NTHL1: variants seen among roughly 807,000 people sequenced by gnomAD.
The protein encoded by NTHL1 is endonuclease III-like protein 1.
A neutral mutation model predicts 32.3 loss-of-function variants in NTHL1; 32 were observed. That is an observed-to-expected ratio of 0.99 (90% confidence interval 0.75 to 1.33). NTHL1 has a LOEUF of 1.33. NTHL1 is among the 40% of genes most tolerant of loss of function. The pLI is 0.00. For synonymous variants in NTHL1, 188 were observed against 176.9 expected, an observed-to-expected ratio of 1.06 and a Z score of -0.50; for missense variants, 501 against 414.1, an observed-to-expected ratio of 1.21 and a Z score of -1.82.
At chr16:2,047,515 C>G in intron 1 of NTHL1, 194 bp downstream of exon 1, 1 of 960,562 alleles carries the variant, frequency 1.0e-6, no homozygotes. Context: ...CGCCCGAAAC[C>G]CAGCCCCTGC....
rs1372041658 is a variant in NTHL1, at chr16:2,039,980, G to C, written c.859C>G (p.Pro287Ala). ...TGGTTGAGGCAGGCGTGGCAGCGAG[G>C]GTGCACAGGCAGACAGGTCTGCTGG... ...FGQQTCLPVH[P>A]RCHACLNQAL... The change falls in exon 6 of 6, where the codon CCT becomes GCT. Residue 287 changes from proline to alanine, a missense_variant. Coordinates refer to ENST00000651570, the MANE Select transcript of NTHL1 (RefSeq NM_002528.7). 6.2e-7 allele frequency: 1 copy of C among 1,609,840 alleles called. No homozygotes were observed. The highest frequency in any genetic ancestry group is 1.7e-5 in the Admixed American group (1 of 60,030).
chr16:2,042,597 G>A (rs368028238), intron 4 of NTHL1, among the ~76,000 whole-genome samples: 68 of 152,224 alleles, frequency 4.5e-4, no homozygotes, highest in Admixed American at 3.4e-3. Context: ...TTTCTGGACT[G>A]GCTGGGCCCG....
rs1397844006 is a variant in NTHL1 at position 2,043,674 on chromosome 16, C to T, written c.578G>A (p.Gly193Asp). The T allele has an allele frequency of 6.2e-7, 1 of 1,612,184 alleles. No homozygotes were observed. Among genetic ancestry groups the T allele is most frequent in the South Asian group, 1.1e-5 (1 of 91,092 alleles). Residue 193 changes from glycine to aspartate, a missense_variant, in exon 4 of 6, where the codon GGT (glycine) becomes GAT (aspartate). Coordinates refer to ENST00000651570, the MANE Select transcript of NTHL1 (RefSeq NM_002528.7). The surrounding 1 kb of genome is among the most constrained non-coding windows in gnomAD (Gnocchi z 4.4). ...QTSAILQQHY[G>D]GDIPASVAEL... ...GGCCACAGAGGCTGGGATGTCCCCA[C>T]CGTAGTGCTGCTGCAGGATGGCGCT...
At chr16:2,046,983 C>G (rs2084440238) in intron 1 of NTHL1, 1 of 152,852 alleles carries the variant, frequency 6.5e-6, no homozygotes, top group Non-Finnish European at 1.5e-5. Context: ...AAACAAACAA[C>G]AAAACCTCCT....
intron 4 of NTHL1, among the ~76,000 whole-genome samples, chr16:2,042,342 G>T (rs2084278149): frequency 6.6e-6 from 1 of 152,206 alleles, no homozygotes; most frequent in African/African-American, 2.4e-5. Flanking sequence ...AGGTGGTGAC[G>T]CTGGGAGTCT....
At position 2,043,523 on chromosome 16, in the gene NTHL1, G is replaced by C; in HGVS notation, c.685+44C>G. ...GTCACAAGGATGTGGGGAATCCCAAGAGCAGCCAGTGGGCTGGAGCCAGCC... is the reference window on the plus strand; with the variant it reads ...GTCACAAGGATGTGGGGAATCCCAACAGCAGCCAGTGGGCTGGAGCCAGCC... On this transcript the variant is annotated intron_variant, in intron 4 of 5. Coordinates refer to ENST00000651570, the MANE Select transcript of NTHL1 (RefSeq NM_002528.7). This position sits in a 1 kb window ranked among gnomAD's most constrained non-coding sequence, Gnocchi z 4.4. 3.1e-6 allele frequency: 5 copies of C among 1,598,272 alleles called. No individual in the cohort carries two copies. Among genetic ancestry groups the C allele is most frequent in the Non-Finnish European group, 4.2e-6 (5 of 1,179,224 alleles).
chr16:2,044,957 ATGTT>A lies in NTHL1; in HGVS notation c.355-161_355-158del. ...TGGGGTGGGGAGGTCTGGTTTGGGTATGTTTGGTCATCTACAACACCAGGACAAT... is the reference window on the plus strand; with the variant it reads ...TGGGGTGGGGAGGTCTGGTTTGGGTATGGTCATCTACAACACCAGGACAAT... On this transcript the variant is annotated intron_variant, in intron 2 of 5. Transcript: ENST00000651570. The surrounding 1 kb of genome is among the most constrained non-coding windows in gnomAD (Gnocchi z 5.0). The A allele has an allele frequency of 2.8e-6, 2 of 719,874 alleles. No individual in the cohort carries two copies. Among genetic ancestry groups the A allele is most frequent in the South Asian group, 3.8e-5 (2 of 52,638 alleles). The allele number at this position is 719,874 out of a possible 1,614,324, so 44.6% of individuals were successfully genotyped here.
intron 1 of NTHL1, 61 bp downstream of exon 1, chr16:2,047,648 G>A (rs1229691071): frequency 3.3e-6 from 5 of 1,522,668 alleles, no homozygotes; most frequent in African/African-American, 2.8e-5. Flanking sequence ...GGCGGCCCGG[G>A]ACTCCAGCCT....
chr16:2,046,093 G>A, intron 2 of NTHL1, 35 bp downstream of exon 2: 2 of 1,538,676 alleles, frequency 1.3e-6, no homozygotes, highest in Non-Finnish European at 1.8e-6. Context: ...TTGCTAAGAT[G>A]GGGGGTCATC....
Position 2,043,491 on chromosome 16 carries a change from G to C in NTHL1, c.685+76C>G, listed in dbSNP as rs373705312. ...GGAGGACCAGCATGCTGGAAGTGGA[G>C]TCACAGGTCACAAGGATGTGGGGAA... On this transcript the variant is annotated intron_variant, in intron 4 of 5. Transcript: ENST00000651570. This position sits in a 1 kb window ranked among gnomAD's most constrained non-coding sequence, Gnocchi z 4.4. 177 of 1,579,812 alleles carry C rather than the reference G, an allele frequency of 1.1e-4. No homozygotes were observed. The African/African-American group carries it at 2.1e-3, about 19-fold the overall frequency.
At chr16:2,041,636 C>CA (rs578068273) in intron 4 of NTHL1, among the ~76,000 whole-genome samples, 77 of 149,118 alleles carry the variant, frequency 5.2e-4, no homozygotes, top group African/African-American at 1.8e-3. Flanking sequence ...GAGACGGAGT[C>CA]ACGCTTTGTC....
chr16:2,044,615 A>T lies in NTHL1; in HGVS notation c.525+15T>A. 1 of 1,600,784 alleles carries T rather than the reference A, an allele frequency of 6.2e-7. No homozygotes were observed. Among genetic ancestry groups the T allele is most frequent in the Non-Finnish European group, 8.5e-7 (1 of 1,179,822 alleles). On this transcript the variant is annotated intron_variant, in intron 3 of 5. Transcript: ENST00000651570. This position sits in a 1 kb window ranked among gnomAD's most constrained non-coding sequence, Gnocchi z 5.0. ...CCACTGCCACCCGGCCCCCGTTGCC[A>T]CAGGCAGGGCTCACCCTCCAGAAAC...
rs2084314597 is a variant in NTHL1 at position 2,044,554 on chromosome 16, C to G, written c.525+76G>C. 1 of 1,575,440 alleles carries G rather than the reference C, an allele frequency of 6.3e-7. No homozygotes were observed. The highest frequency in any genetic ancestry group is 1.3e-5 in the African/African-American group (1 of 74,476). ...GCTTGACCCTCACTTCCTGCACCGT[C>G]GCCACCCCCCTCAGCCTTCTGAGGT... On this transcript the variant is annotated intron_variant, in intron 3 of 5. Coordinates refer to ENST00000651570, the MANE Select transcript of NTHL1 (RefSeq NM_002528.7). The surrounding 1 kb of genome is among the most constrained non-coding windows in gnomAD (Gnocchi z 5.0).
chr16:2,045,483 C>T (rs1411267295), intron 2 of NTHL1, among the ~76,000 whole-genome samples: 1 of 152,050 alleles, frequency 6.6e-6, no homozygotes, highest in Non-Finnish European at 1.5e-5. Context: ...TTCACCCAGG[C>T]TGAAGTGTGG....
rs371105614 is a variant in NTHL1 at position 2,046,337 on chromosome 16, G to A, written c.145C>T (p.Arg49Cys). The change falls in exon 2 of 6, where the codon CGT (arginine) becomes TGT (cysteine). Residue 49 changes from arginine to cysteine, a missense_variant. Physicochemically the swap from Arg to Cys is radical, Grantham distance 180. Coordinates refer to ENST00000651570, the MANE Select transcript of NTHL1 (RefSeq NM_002528.7). ...CGCAGTCTCTGTGCTTTCCGCGGAC[G>A]CTTCACGGGGCTGTGGCTTTTCCTC... is the stretch of plus-strand genomic sequence containing the variant. ...EARKSHSPVK[R>C]PRKAQRLRVA... 1.1e-5 allele frequency: 18 copies of A among 1,608,164 alleles called. No individual in the cohort carries two copies. The highest frequency in any genetic ancestry group is 3.3e-5 in the South Asian group (3 of 91,036).
In NTHL1 at chr16:2,043,670, C is replaced by T. The variant is rs1025984433; in HGVS notation, c.582G>A (p.Gly194=). 43 of 1,612,098 alleles carry T rather than the reference C, an allele frequency of 2.7e-5. No individual in the cohort carries two copies. Among genetic ancestry groups the T allele is most frequent in the Non-Finnish European group, 3.6e-5 (43 of 1,179,980 alleles). ...TSAILQQHYG[G]DIPASVAELV... ...GCTCGGCCACAGAGGCTGGGATGTCCCCACCGTAGTGCTGCTGCAGGATGG... is the reference window on the plus strand; with the variant it reads ...GCTCGGCCACAGAGGCTGGGATGTCTCCACCGTAGTGCTGCTGCAGGATGG... The change falls in exon 4 of 6, where the codon GGG becomes GGA. Residue 194 remains glycine (G), a synonymous_variant. Coordinates refer to ENST00000651570, the MANE Select transcript of NTHL1 (RefSeq NM_002528.7). The surrounding 1 kb of genome is among the most constrained non-coding windows in gnomAD (Gnocchi z 4.4).
rs774941231 is a variant in NTHL1, at chr16:2,043,551, G to A, written c.685+16C>T. 9.4e-6 allele frequency: 15 copies of A among 1,603,628 alleles called. No individual in the cohort carries two copies. Among genetic ancestry groups the A allele is most frequent in the Admixed American group, 3.3e-5 (2 of 60,004 alleles). On this transcript the variant is annotated intron_variant, in intron 4 of 5. Coordinates refer to ENST00000651570, the MANE Select transcript of NTHL1 (RefSeq NM_002528.7). The surrounding 1 kb of genome is among the most constrained non-coding windows in gnomAD (Gnocchi z 4.4). ...CAGCCAGTGGGCTGGAGCCAGCCCC[G>A]CCCTCCTCTACTCACCAATGCCTGA... is the stretch of plus-strand genomic sequence containing the variant.
intron 4 of NTHL1, among the ~76,000 whole-genome samples, chr16:2,041,462 C>T (rs1329177872): frequency 2.7e-5 from 4 of 150,768 alleles, no homozygotes; most frequent in Non-Finnish European, 5.9e-5. Context: ...TTTTTTTAAA[C>T]GGAGTCTTGC....
intron 1 of NTHL1, chr16:2,047,484 A>C: frequency 1.4e-6 from 1 of 690,682 alleles, no homozygotes; most frequent in Non-Finnish European, 2.3e-6. Flanking sequence ...GCTTGGGGCG[A>C]AAGGGGGCAG....
Sources: allele counts gnomAD v4.1 joint callset (sites outside exome capture counted in the v4.1 genomes callset), GRCh38; gene constraint gnomAD v4.1.1; non-coding constraint Gnocchi (gnomAD v3.1); transcripts MANE v1.5; gene names NCBI Gene and HGNC (gene_info 2026-07-23, HGNC 2026-07-21).